Variants in FIG4 observed in about 807,000 individuals in gnomAD.
The protein encoded by FIG4 is FIG4 phosphoinositide 5-phosphatase.
A neutral mutation model predicts 118.6 loss-of-function variants in FIG4; 112 were observed. The ratio of observed to expected loss-of-function variants is 0.94; its 90% CI spans 0.81 to 1.11. FIG4 has a LOEUF of 1.11. Ranked by LOEUF, FIG4 falls within the 50% of genes least tolerant of loss-of-function variation. FIG4 has a pLI of 0.00. For synonymous variants in FIG4, 369 were observed against 381.2 expected (o/e 0.97, Z 0.37); for missense variants, 969 against 1,111.7 (o/e 0.87, Z 1.83).
At chr6:109,707,763 A>G (rs575580644) in intron 1 of FIG4, among the ~76,000 whole-genome samples, 3 of 152,152 alleles carry the variant, frequency 2.0e-5, no homozygotes, top group African/African-American at 7.2e-5. Context: ...CCAATAGTAA[A>G]TGGCACAATG....
At chr6:109,793,904 T>C (rs1011876066) in intron 21 of FIG4, among the ~76,000 whole-genome samples, 7 of 152,196 alleles carry the variant, frequency 4.6e-5, no homozygotes, top group African/African-American at 9.7e-5. Context: ...CCCTCCTCAC[T>C]CTGACACACA....
intron 19 of FIG4, 25 bp from the exon 20 acceptor site, chr6:109,791,351 C>T: frequency 6.3e-7 from 1 of 1,596,680 alleles, no homozygotes; most frequent in South Asian, 1.1e-5. Context: ...AAAGATGCTT[C>T]ACTTCCATAT....
At chr6:109,734,360 A>G (rs576727104) in intron 5 of FIG4, among the ~76,000 whole-genome samples, 13 of 151,328 alleles carry the variant, frequency 8.6e-5, no homozygotes, top group African/African-American at 2.4e-4. Context: ...ATATATACAC[A>G]CACACACTAT....
chr6:109,780,825 G>A (rs1777780467), intron 16 of FIG4, among the ~76,000 whole-genome samples: 1 of 152,172 alleles, frequency 6.6e-6, no homozygotes, highest in South Asian at 2.1e-4. Context: ...AGGTCCTCTT[G>A]AGATAAGTAC....
At chr6:109,717,269 A>G (rs543076964) in intron 3 of FIG4, among the ~76,000 whole-genome samples, 96 of 152,330 alleles carry the variant, frequency 6.3e-4, no homozygotes, top group Middle Eastern at 3.4e-3. Flanking sequence ...GGTCTACTTC[A>G]TAGTCCAAAC....
chr6:109,798,278 G>A (rs187140185), intron 22 of FIG4, among the ~76,000 whole-genome samples: 3 of 152,304 alleles, frequency 2.0e-5, no homozygotes, highest in African/African-American at 7.2e-5. Context: ...GACTCAGAGA[G>A]TGGGGAACAA....
At chr6:109,736,977 TC>T (rs766404310) in intron 6 of FIG4, among the ~76,000 whole-genome samples, 1 of 152,136 alleles carries the variant, frequency 6.6e-6, no homozygotes, top group Non-Finnish European at 1.5e-5. Context: ...ACACTCATAC[TC>T]CTGTTTTCCT....
At chr6:109,734,240 T>C (rs562373406) in intron 5 of FIG4, among the ~76,000 whole-genome samples, 2 of 151,810 alleles carry the variant, frequency 1.3e-5, no homozygotes, top group South Asian at 4.1e-4. Flanking sequence ...AAAAACAAAT[T>C]TGTATAAAAT....
intron 1 of FIG4, among the ~76,000 whole-genome samples, chr6:109,705,633 A>G (rs1042789377): frequency 1.3e-5 from 2 of 152,150 alleles, no homozygotes; most frequent in African/African-American, 4.8e-5. Flanking sequence ...CTTCCTAAGT[A>G]TGTGTTTCGA....
intron 21 of FIG4, among the ~76,000 whole-genome samples, chr6:109,796,023 G>A (rs1330855587): frequency 6.6e-6 from 1 of 152,230 alleles, no homozygotes; most frequent in Non-Finnish European, 1.5e-5. Flanking sequence ...CAGCAGATAT[G>A]CACTCCAGAA....
At position 109,765,019 on chromosome 6, in the gene FIG4, A is replaced by C. The variant is rs1295682905; in HGVS notation, c.1441A>C (p.Ile481Leu). ...TTAAGGTATTTCTCTTTAGACTGGC[A>C]TCCTTCGAACCAACTGTGTGGACTG... Reference protein sequence around the residue: ...VIPTGRLQTGILRTNCVDCLD... With the variant: ...VIPTGRLQTGLLRTNCVDCLD... The change falls in exon 14 of 23, where the codon ATC (isoleucine) becomes CTC (leucine). Residue 481 changes from isoleucine (I) to leucine (L), a missense_variant. Transcript: ENST00000230124. The C allele has an allele frequency of 6.2e-7, 1 of 1,613,964 alleles. No individual in the cohort carries two copies. The highest frequency in any genetic ancestry group is 1.1e-5 in the South Asian group (1 of 91,086).
intron 10 of FIG4, among the ~76,000 whole-genome samples, chr6:109,759,556 A>G (rs955375594): frequency 6.6e-6 from 1 of 152,218 alleles, no homozygotes; most frequent in East Asian, 1.9e-4. Context: ...GCCCAAGGTC[A>G]CATGGCTAGT....
At chr6:109,744,883 A>G (rs1463262068) in intron 10 of FIG4, among the ~76,000 whole-genome samples, 1 of 151,260 alleles carries the variant, frequency 6.6e-6, no homozygotes, top group Non-Finnish European at 1.5e-5. Context: ...GAGTGAGAAC[A>G]TGGCAGTTTT....
chr6:109,707,433 A>G (rs1775120666), intron 1 of FIG4, among the ~76,000 whole-genome samples: 1 of 148,590 alleles, frequency 6.7e-6, no homozygotes, highest in Admixed American at 6.8e-5. Context: ...ATATATACAT[A>G]TATATACATA....
chr6:109,790,395 T>C (rs549757977), intron 19 of FIG4, among the ~76,000 whole-genome samples: 1 of 152,326 alleles, frequency 6.6e-6, no homozygotes, highest in South Asian at 2.1e-4. Context: ...TTTAAATAGC[T>C]CATGTTAAGC....
chr6:109,702,438 A>G (rs1774933930), intron 1 of FIG4, among the ~76,000 whole-genome samples: 1 of 152,212 alleles, frequency 6.6e-6, no homozygotes, highest in Non-Finnish European at 1.5e-5. Context: ...CTCATCTTCT[A>G]TCTTAACAGG....
At chr6:109,754,870 T>C (rs1035171946) in intron 10 of FIG4, among the ~76,000 whole-genome samples, 11 of 152,202 alleles carry the variant, frequency 7.2e-5, no homozygotes, top group African/African-American at 2.4e-4. Flanking sequence ...ATTTTGTTGA[T>C]CCTTTCAAAA....
chr6:109,722,820 C>A (rs1303832492), intron 3 of FIG4, among the ~76,000 whole-genome samples: 1 of 151,984 alleles, frequency 6.6e-6, no homozygotes, highest in Non-Finnish European at 1.5e-5. Flanking sequence ...AGGAAGGAGC[C>A]CAGACCTTAG....
intron 19 of FIG4, among the ~76,000 whole-genome samples, chr6:109,790,276 T>C (rs1036202094): frequency 6.6e-6 from 1 of 152,168 alleles, no homozygotes; most frequent in African/African-American, 2.4e-5. Flanking sequence ...AGATACAGAG[T>C]CCTAATTGTA....
Sources: allele counts gnomAD v4.1 joint callset (sites outside exome capture counted in the v4.1 genomes callset), GRCh38; gene constraint gnomAD v4.1.1; transcripts MANE v1.5; gene names NCBI Gene and HGNC (gene_info 2026-07-23, HGNC 2026-07-21).